CDH13: variants seen among roughly 807,000 people sequenced by gnomAD.
CDH13 encodes cadherin-13.
Under a neutral mutation model 63.8 loss-of-function variants are expected in CDH13, and 24 were observed. That is an observed-to-expected ratio of 0.38 (90% CI 0.27 to 0.53). The LOEUF (loss-of-function observed/expected upper bound fraction) is 0.53, where lower values mean the gene tolerates loss of function less well. CDH13 is among the 20% of genes least tolerant of loss of function. CDH13 has a pLI of 0.85. For synonymous variants in CDH13, 503 were observed against 355.3 expected, an observed-to-expected ratio of 1.42 and a Z score of -4.67; for missense variants, 1,049 against 903.1, an observed-to-expected ratio of 1.16 and a Z score of -2.07.
chr16:83,747,983 G>T (rs1162128810), intron 10 of CDH13, 125 bp from the exon 11 acceptor site: 9 of 961,648 alleles, frequency 9.4e-6, no homozygotes, highest in African/African-American at 3.2e-5. Context: ...TAACAGAAAT[G>T]ATGGTTTTGG....
intron 10 of CDH13, among the ~76,000 whole-genome samples, chr16:83,725,024 C>A (rs1181167548): frequency 6.6e-6 from 1 of 152,182 alleles, no homozygotes; most frequent in Admixed American, 6.5e-5. Flanking sequence ...CCTCTGTCAT[C>A]CAGTTTCACT....
chr16:83,099,839 C>T (rs150942103), intron 3 of CDH13, among the ~76,000 whole-genome samples: 10 of 152,184 alleles, frequency 6.6e-5, no homozygotes, highest in Non-Finnish European at 1.0e-4. Flanking sequence ...GCGCCAGACG[C>T]GGGAGAGCAC....
intron 8 of CDH13, among the ~76,000 whole-genome samples, chr16:83,634,814 A>G (rs1911111964): frequency 6.6e-6 from 1 of 152,240 alleles, no homozygotes; most frequent in Admixed American, 6.5e-5. Flanking sequence ...ATGGTATGCC[A>G]GAGTTCGTTG....
chr16:83,212,982 C>G (rs1234269723), intron 4 of CDH13, among the ~76,000 whole-genome samples: 5 of 152,198 alleles, frequency 3.3e-5, no homozygotes, highest in South Asian at 2.1e-4. Context: ...GCCTCTCACT[C>G]TGGGAACACC....
intron 10 of CDH13, among the ~76,000 whole-genome samples, chr16:83,687,767 G>A (rs1050907697): frequency 1.3e-5 from 2 of 152,226 alleles, no homozygotes; most frequent in African/African-American, 4.8e-5. Flanking sequence ...GTCTCTCACA[G>A]AACTTTCCAA....
intron 6 of CDH13, among the ~76,000 whole-genome samples, chr16:83,363,834 A>G (rs2091208724): frequency 6.6e-6 from 1 of 152,204 alleles, no homozygotes; most frequent in South Asian, 2.1e-4. Context: ...TTAAAGCCAC[A>G]GAGTTAAAGT....
chr16:82,819,443 A>C (rs1332205489), intron 1 of CDH13, among the ~76,000 whole-genome samples: 1 of 152,170 alleles, frequency 6.6e-6, no homozygotes, highest in Admixed American at 6.6e-5. Flanking sequence ...CTTTTGTTAT[A>C]CAGGAAGCTT....
Position 83,233,605 on chromosome 16 carries a change from G to A in CDH13, c.636+16108G>A, listed in dbSNP as rs375336378. Among the ~76,000 whole-genome samples, 284 of 152,272 alleles carry A rather than the reference G, an allele frequency of 1.9e-3. 1 individual carries two copies. Among genetic ancestry groups the A allele is most frequent in the Middle Eastern group, 6.8e-3 (2 of 294 alleles). On this transcript the variant is annotated intron_variant, in intron 5 of 13. Transcript: ENST00000567109. ...CTTTTCCAACTTTTGGGGGCCACCT[G>A]CATTCTTCAGCTCATGACTGCTTCC...
At chr16:83,098,445 C>A (rs1294109571) in intron 3 of CDH13, among the ~76,000 whole-genome samples, 1 of 152,160 alleles carries the variant, frequency 6.6e-6, no homozygotes, top group Non-Finnish European at 1.5e-5. Context: ...ACTTTCTGTG[C>A]TCTTCATTCC....
chr16:82,964,857 C>G (rs1278106059), intron 2 of CDH13, among the ~76,000 whole-genome samples: 3 of 152,048 alleles, frequency 2.0e-5, no homozygotes, highest in Admixed American at 2.0e-4. Flanking sequence ...TGTTGCTGTC[C>G]TGGTTAGGAC....
chr16:83,373,147 C>G (rs1191007364), intron 6 of CDH13, among the ~76,000 whole-genome samples: 2 of 152,132 alleles, frequency 1.3e-5, no homozygotes, highest in African/African-American at 4.8e-5. Context: ...AATGTTTAAA[C>G]TATATTGAAA....
At chr16:83,529,978 C>T (rs1343195764) in intron 7 of CDH13, among the ~76,000 whole-genome samples, 3 of 152,010 alleles carry the variant, frequency 2.0e-5, no homozygotes, top group East Asian at 3.9e-4. Flanking sequence ...GAAATGGGGT[C>T]GGGTAAGAAT....
intron 6 of CDH13, among the ~76,000 whole-genome samples, chr16:83,390,344 A>T (rs1232834572): frequency 6.6e-6 from 1 of 152,216 alleles, no homozygotes; most frequent in Non-Finnish European, 1.5e-5. Flanking sequence ...TGCATATGCC[A>T]TAATTTACGT....
intron 7 of CDH13, among the ~76,000 whole-genome samples, chr16:83,505,300 C>G (rs8056534): frequency 0.48 from 72,173 of 151,928 alleles, 17,802 homozygotes; most frequent in African/African-American, 0.59. Context: ...ATAATTCAAT[C>G]TATCCTCACC....
At chr16:83,394,064 G>C (rs2091838713) in intron 6 of CDH13, among the ~76,000 whole-genome samples, 2 of 152,148 alleles carry the variant, frequency 1.3e-5, no homozygotes, top group Admixed American at 1.3e-4. Flanking sequence ...GACACAGAAG[G>C]CAACAATGAA....
chr16:82,682,849 C>G (rs906442368), intron 1 of CDH13, among the ~76,000 whole-genome samples: 5 of 152,194 alleles, frequency 3.3e-5, no homozygotes, highest in African/African-American at 4.8e-5. Context: ...AGGACTGGTG[C>G]TTCCCCTGAG....
At chr16:83,560,724 C>A (rs1219979155) in intron 7 of CDH13, among the ~76,000 whole-genome samples, 1 of 152,230 alleles carries the variant, frequency 6.6e-6, no homozygotes, top group Non-Finnish European at 1.5e-5. Context: ...GTATTGACAT[C>A]TTTTTGCCTT....
intron 7 of CDH13, among the ~76,000 whole-genome samples, chr16:83,536,226 A>T (rs1035797004): frequency 1.3e-5 from 2 of 152,258 alleles, no homozygotes; most frequent in African/African-American, 4.8e-5. Context: ...CATTGTCTTC[A>T]TAGAGCTTAC....
chr16:83,310,714 C>T (rs2089981224), intron 5 of CDH13, among the ~76,000 whole-genome samples: 1 of 152,180 alleles, frequency 6.6e-6, no homozygotes, highest in African/African-American at 2.4e-5. Flanking sequence ...AGTGTTTGGG[C>T]CATGCATGGA....
Sources: allele counts gnomAD v4.1 joint callset (sites outside exome capture counted in the v4.1 genomes callset), GRCh38; gene constraint gnomAD v4.1.1; transcripts MANE v1.5; gene names NCBI Gene and HGNC (gene_info 2026-07-23, HGNC 2026-07-21).